Variants in PHF21A observed in about 807,000 individuals in gnomAD.
The protein encoded by PHF21A is PHD finger protein 21A, also known as BHC80a.
Under a neutral mutation model 82.5 loss-of-function variants are expected in PHF21A, and 11 were observed. That is an observed-to-expected ratio of 0.13 (90% confidence interval 0.08 to 0.22). The LOEUF is 0.22. Ranked by LOEUF, PHF21A falls within the 10% of genes least tolerant of loss-of-function variation. The pLI is 1.00. For missense variants in PHF21A, 579 were observed against 837.8 expected (o/e 0.69, Z 3.81); for synonymous variants, 297 against 302.8 (o/e 0.98, Z 0.20).
At chr11:46,068,418 T>C (rs1278656111) in intron 6 of PHF21A, among the ~76,000 whole-genome samples, 2 of 152,164 alleles carry the variant, frequency 1.3e-5, no homozygotes, top group East Asian at 1.9e-4. Context: ...GCACATGATA[T>C]AGTAGAGAGG....
At chr11:46,118,701 A>G (rs1340657230) in intron 1 of PHF21A, 1 of 152,220 alleles carries the variant, frequency 6.6e-6, no homozygotes, top group African/African-American at 2.4e-5. Flanking sequence ...CCGATTCCAT[A>G]AACAAGTAAA....
At chr11:46,030,830 C>CGTGTGTGTGTGTGT (rs71038879) in intron 6 of PHF21A, among the ~76,000 whole-genome samples, 22 of 142,306 alleles carry the variant, frequency 1.5e-4, no homozygotes, top group African/African-American at 3.4e-4. Flanking sequence ...CGTGTGTGTG[C>CGTGTGTGTGTGTGT]GTGTGTGTGT....
At chr11:46,089,009 C>A (rs990156180) in intron 3 of PHF21A, among the ~76,000 whole-genome samples, 1 of 151,118 alleles carries the variant, frequency 6.6e-6, no homozygotes, top group Non-Finnish European at 1.5e-5. Context: ...ACTCATCAAC[C>A]AACATTTCTT....
chr11:46,021,545 C>T (rs944960644), intron 6 of PHF21A, among the ~76,000 whole-genome samples: 2 of 151,532 alleles, frequency 1.3e-5, no homozygotes, highest in African/African-American at 4.8e-5. Context: ...TGTGTGTGTG[C>T]ATGTGTGTGT....
At chr11:45,998,072 C>T (rs997885988) in intron 6 of PHF21A, among the ~76,000 whole-genome samples, 6 of 152,164 alleles carry the variant, frequency 3.9e-5, no homozygotes, top group Non-Finnish European at 7.4e-5. Flanking sequence ...ACATGTACCA[C>T]TGTGGAGAGA....
At chr11:46,094,436 G>A (rs188057611) in intron 1 of PHF21A, among the ~76,000 whole-genome samples, 1 of 152,160 alleles carries the variant, frequency 6.6e-6, no homozygotes, top group Non-Finnish European at 1.5e-5. Context: ...TTATGGGCCC[G>A]AGATTCCTTG....
At chr11:45,967,525 A>G (rs1052502051) in intron 9 of PHF21A, among the ~76,000 whole-genome samples, 3 of 152,160 alleles carry the variant, frequency 2.0e-5, no homozygotes, top group Admixed American at 2.0e-4. Flanking sequence ...TATAAGATAC[A>G]TTGGCTCCTG....
At chr11:46,076,142 G>A (rs994924333) in intron 6 of PHF21A, among the ~76,000 whole-genome samples, 7 of 152,210 alleles carry the variant, frequency 4.6e-5, no homozygotes, top group Non-Finnish European at 1.0e-4. Context: ...TGGTAAAGTG[G>A]AGGTCATCAT....
intron 1 of PHF21A, among the ~76,000 whole-genome samples, chr11:46,112,178 G>A (rs912499495): frequency 2.6e-5 from 4 of 152,152 alleles, no homozygotes; most frequent in African/African-American, 4.8e-5. Flanking sequence ...CACTTAGGGA[G>A]AAACTGAGGT....
chr11:45,957,946 C>T (rs796974742), intron 10 of PHF21A, among the ~76,000 whole-genome samples: 30 of 152,048 alleles, frequency 2.0e-4, no homozygotes, highest in African/African-American at 7.2e-4. Context: ...GAGGACATTA[C>T]ATCTCACAGA....
intron 5 of PHF21A, 164 bp from the exon 6 acceptor site, chr11:46,076,983 T>C: frequency 1.9e-6 from 1 of 537,638 alleles, no homozygotes; most frequent in Non-Finnish European, 3.4e-6. Flanking sequence ...CATCACCTAA[T>C]GCACAGATCC....
At chr11:46,015,451 C>A (rs1461305195) in intron 6 of PHF21A, among the ~76,000 whole-genome samples, 1 of 151,980 alleles carries the variant, frequency 6.6e-6, no homozygotes, top group Non-Finnish European at 1.5e-5. Context: ...CCAAGGTTTT[C>A]TTCTAGGATT....
intron 14 of PHF21A, among the ~76,000 whole-genome samples, chr11:45,947,827 G>C (rs940506524): frequency 1.2e-4 from 18 of 152,106 alleles, no homozygotes; most frequent in Admixed American, 1.2e-3. Context: ...GGTTACTGTG[G>C]CCCAGGAATC....
chr11:45,949,528 TA>T (rs1210000561), intron 12 of PHF21A, 47 bp from the exon 13 acceptor site: 1 of 1,438,408 alleles, frequency 7.0e-7, no homozygotes, highest in Non-Finnish European at 9.8e-7. Flanking sequence ...ATGGAGAACC[TA>T]AAAAACTTAA....
At chr11:46,087,099 G>C (rs2096865942) in intron 3 of PHF21A, among the ~76,000 whole-genome samples, 1 of 152,132 alleles carries the variant, frequency 6.6e-6, no homozygotes, top group African/African-American at 2.4e-5. Context: ...GTTATCTCTA[G>C]GTAGTAGCAC....
intron 6 of PHF21A, among the ~76,000 whole-genome samples, chr11:46,025,239 C>A (rs17789551): frequency 6.6e-6 from 1 of 151,962 alleles, no homozygotes; most frequent in African/African-American, 2.4e-5. Flanking sequence ...TGATTTCATA[C>A]CACAGATACA....
intron 7 of PHF21A, among the ~76,000 whole-genome samples, chr11:45,973,261 A>T (rs866160020): frequency 1.3e-5 from 2 of 152,188 alleles, no homozygotes; most frequent in African/African-American, 2.4e-5. Flanking sequence ...AACATCACAG[A>T]AAGTTCTATC....
At chr11:46,080,993 C>T (rs1288094152) in intron 4 of PHF21A, among the ~76,000 whole-genome samples, 1 of 152,180 alleles carries the variant, frequency 6.6e-6, no homozygotes, top group African/African-American at 2.4e-5. Flanking sequence ...CCCTGAAACC[C>T]AGCTCAAATT....
intron 1 of PHF21A, among the ~76,000 whole-genome samples, chr11:46,107,789 C>A (rs1439364896): frequency 1.3e-5 from 2 of 152,204 alleles, no homozygotes; most frequent in East Asian, 3.9e-4. Flanking sequence ...GATTATAAGG[C>A]CTTTAGTATG....
Sources: gnomAD v4.1 joint callset for allele counts (sites outside exome capture counted in the v4.1 genomes callset) on GRCh38, gnomAD v4.1.1 for gene constraint, MANE v1.5 for transcripts, NCBI Gene and HGNC (gene_info 2026-07-23, HGNC 2026-07-21) for gene names.